The following ROS1 variants were observed in gnomAD, a reference collection of about 807,000 sequenced individuals.
ROS1 encodes the protein ROS proto-oncogene 1, receptor tyrosine kinase.
Under a neutral mutation model 273.5 loss-of-function variants are expected in ROS1, and 263 were observed. The observed-to-expected ratio is 0.96, with a 90% CI of 0.87 to 1.06. The LOEUF (loss-of-function observed/expected upper bound fraction) is 1.06. ROS1 is among the 50% of genes least tolerant of loss of function. The probability of loss-of-function intolerance (pLI) is 0.00; values close to 1 mark genes in which losing one functional copy is unlikely to be tolerated. For missense variants in ROS1, 2,833 were observed against 2,751.1 expected (o/e 1.03, Z -0.67); for synonymous variants, 1,008 against 954.1 (o/e 1.06, Z -1.04).
At position 117,365,330 on chromosome 6, in the gene ROS1, T is replaced by C. The variant is rs145176044; in HGVS notation, c.2959-126A>G. 8.2e-4 allele frequency: 834 copies of C among 1,017,074 alleles called. 7 individuals are homozygous for C. In the African/African-American group the frequency reaches 0.012, roughly 15 times the overall value. The allele number at this position is 1,017,074 out of a possible 1,614,324, so 63.0% of individuals were successfully genotyped here. On this transcript the variant is annotated intron_variant, in intron 20 of 43. Transcript: ENST00000368507. ...TCAAAATTTGCAATTTTGGAAGTGCTAATTTTGGCAAGTTCTGTGTTGTGC... is the reference window on the plus strand; with the variant it reads ...TCAAAATTTGCAATTTTGGAAGTGCCAATTTTGGCAAGTTCTGTGTTGTGC...
In ROS1 at chr6:117,418,510, A is replaced by G; in HGVS notation, c.124-4T>C. The stretch of plus-strand genomic sequence containing the variant: ...TGCCAAGGTCAAGCTGCTGGCCCTG[A>G]AATGAAGAAGGAGGTAGTAAACACC... On this transcript the variant is annotated splice_region_variant and splice_polypyrimidine_tract_variant and intron_variant, in intron 1 of 43. Transcript: ENST00000368507. The G allele has an allele frequency of 6.3e-7, 1 of 1,599,608 alleles. No homozygotes were observed.
chr6:117,396,300 A>G (rs762943239), intron 8 of ROS1, 36 bp from the exon 9 acceptor site: 113 of 1,415,312 alleles, frequency 8.0e-5, no homozygotes, highest in Non-Finnish European at 4.6e-5. Context: ...CGTGTTTCAC[A>G]TGGCATGGTG....
chr6:117,402,743 G>T (rs1774048551), intron 7 of ROS1, among the ~76,000 whole-genome samples: 1 of 151,946 alleles, frequency 6.6e-6, no homozygotes, highest in South Asian at 2.1e-4. Flanking sequence ...CAAAAAATTA[G>T]CCAGGCATGG....
At position 117,425,523 on chromosome 6, in the gene ROS1, G is replaced by C; in HGVS notation, c.123+11C>G. ...TTCCTGCAAAGACAAATATTAGATT[G>C]TGAGACTTACCAGATTAGTTACACA... is the stretch of plus-strand genomic sequence containing the variant. On this transcript the variant is annotated intron_variant, in intron 1 of 43. Coordinates refer to ENST00000368507, the MANE Select transcript of ROS1 (RefSeq NM_001378902.1). The C allele has an allele frequency of 6.3e-7, 1 of 1,579,588 alleles. No individual in the cohort carries two copies. Among genetic ancestry groups the C allele is most frequent in the Non-Finnish European group, 8.6e-7 (1 of 1,168,326 alleles).
intron 5 of ROS1, among the ~76,000 whole-genome samples, chr6:117,406,049 G>A (rs944468183): frequency 6.6e-6 from 1 of 152,112 alleles, no homozygotes; most frequent in East Asian, 1.9e-4. Flanking sequence ...GGAGGCTGAG[G>A]CAGGAGGACT....
chr6:117,365,605 A>G lies in ROS1; in HGVS notation c.2934T>C (p.Ser978=), dbSNP rs374498314. 31 of 1,613,440 alleles carry G rather than the reference A, an allele frequency of 1.9e-5. No homozygotes were observed. Among genetic ancestry groups the G allele is most frequent in the Middle Eastern group, 3.3e-4 (2 of 6,082 alleles). The change falls in exon 20 of 44, where the codon AGT becomes AGC. Residue 978 remains serine, a synonymous_variant. Transcript: ENST00000368507. ...CCTTAGAATGAGCACTAAATTCTAC[A>G]CTGTAGAAAACTACACCCCAGTCTA... The part of the protein sequence containing the change: ...PAVDWGVVFY[S]VEFSAHSKFL...
chr6:117,312,660 A>C (rs1247728095), intron 39 of ROS1, among the ~76,000 whole-genome samples: 1 of 151,920 alleles, frequency 6.6e-6, no homozygotes, highest in African/African-American at 2.4e-5. Flanking sequence ...AGATTTTCAT[A>C]ATGCTGCCTG....
rs1774300001 is a variant in ROS1, at chr6:117,405,226, G to A, written c.317-798C>T. ...TACAAACTCCTGGGACCTTACTCTG[G>A]TTAAGAGAAAATTGACGCAATTCTC... On this transcript the variant is annotated intron_variant, in intron 5 of 43. Transcript: ENST00000368507. Among the ~76,000 whole-genome samples the A allele has an allele frequency of 3.9e-5, 6 of 152,080 alleles. No individual in the cohort carries two copies. In the South Asian group the frequency reaches 1.2e-3, roughly 32 times the overall value.
chr6:117,386,788 C>T (rs1033550446), intron 15 of ROS1, 101 bp downstream of exon 15: 1 of 571,902 alleles, frequency 1.7e-6, no homozygotes, highest in Non-Finnish European at 3.1e-6. Flanking sequence ...TCACTATTGA[C>T]CAAATACAAA....
At chr6:117,393,939 G>A (rs1440090008) in intron 11 of ROS1, among the ~76,000 whole-genome samples, 1 of 152,106 alleles carries the variant, frequency 6.6e-6, no homozygotes, top group Non-Finnish European at 1.5e-5. Context: ...CTCTAAAAAA[G>A]TACAAATAAA....
At chr6:117,350,086 T>A (rs1778699526) in intron 27 of ROS1, among the ~76,000 whole-genome samples, 1 of 152,084 alleles carries the variant, frequency 6.6e-6, no homozygotes, top group Non-Finnish European at 1.5e-5. Context: ...TCTAATGCTC[T>A]TCCTTTCTTT....
At chr6:117,303,129 G>A (rs1398272285) in intron 42 of ROS1, among the ~76,000 whole-genome samples, 2 of 152,088 alleles carry the variant, frequency 1.3e-5, no homozygotes, top group Admixed American at 6.6e-5. Flanking sequence ...TTCCAAGCCT[G>A]GTTTTCAAGC....
chr6:117,300,977 C>G lies in ROS1; in HGVS notation c.6712G>C (p.Glu2238Gln), dbSNP rs1774674564. The change falls in exon 43 of 44, where the codon GAA becomes CAA. Residue 2238 changes from glutamate to glutamine, a missense_variant. Transcript: ENST00000368507. Reference protein sequence around the residue: ...NNSGVINESFEGEDGDVICLN... With the variant: ...NNSGVINESFQGEDGDVICLN... ...AATTCTGAAGAATCAAACTTACCTT[C>G]AAAGCTTTCATTTATGACTCCACTG... The G allele has an allele frequency of 6.4e-7, 1 of 1,560,504 alleles. No individual in the cohort carries two copies. The highest frequency in any genetic ancestry group is 8.6e-7 in the Non-Finnish European group (1 of 1,158,638).
At position 117,317,179 on chromosome 6, in the gene ROS1, G is replaced by A. The variant is rs557108710; in HGVS notation, c.6081C>T (p.Asp2027=). The part of the protein sequence containing the change: ...YIILELMEGG[D]LLTYLRKARM... ...GGGCTTTACGCAAATAAGTAAGAAG[G>A]TCTCCTCCCTCCATCAGTTCCAGGA... The change falls in exon 39 of 44, where the codon GAC becomes GAT. Residue 2027 remains aspartate, a synonymous_variant. Transcript: ENST00000368507. 6.2e-7 allele frequency: 1 copy of A among 1,613,242 alleles called. No individual in the cohort carries two copies. Among genetic ancestry groups the A allele is most frequent in the East Asian group, 2.2e-5 (1 of 44,850 alleles).
intron 21 of ROS1, 116 bp from the exon 22 acceptor site, chr6:117,362,981 A>T: frequency 1.1e-6 from 1 of 892,490 alleles, no homozygotes; most frequent in African/African-American, 1.7e-5. Context: ...CATTCCAGGC[A>T]GTTGCAGTAT....
chr6:117,424,005 A>G (rs1417561950), intron 1 of ROS1, among the ~76,000 whole-genome samples: 1 of 152,114 alleles, frequency 6.6e-6, no homozygotes, highest in Non-Finnish European at 1.5e-5. Flanking sequence ...ACGGAAGGCA[A>G]CTCAACAAAG....
At chr6:117,349,109 T>C (rs1405948487) in intron 27 of ROS1, among the ~76,000 whole-genome samples, 1 of 152,020 alleles carries the variant, frequency 6.6e-6, no homozygotes, top group East Asian at 1.9e-4. Flanking sequence ...GATGGTGTTA[T>C]TGAGTTCATC....
Position 117,337,279 on chromosome 6 carries a change from C to T in ROS1, c.5123G>A (p.Cys1708Tyr), listed in dbSNP as rs1330583699. Residue 1708 changes from cysteine (C) to tyrosine (Y), a missense_variant, in exon 32 of 44, where the codon TGT becomes TAT. Transcript: ENST00000368507. Reference protein sequence around the residue: ...TSCSQGPAYVCNITNLQPYTS... With the variant: ...TSCSQGPAYVYNITNLQPYTS... ...ATAAGGTTGTAGATTTGTGATATTA[C>T]AGACATAAGCAGGACCTTGGCTGCA... 1.9e-6 allele frequency: 3 copies of T among 1,612,382 alleles called. No homozygotes were observed. Among genetic ancestry groups the T allele is most frequent in the East Asian group, 2.2e-5 (1 of 44,796 alleles).
chr6:117,336,586 G>C (rs768523593), intron 32 of ROS1, among the ~76,000 whole-genome samples: 42 of 152,050 alleles, frequency 2.8e-4, no homozygotes, highest in Non-Finnish European at 5.6e-4. Context: ...ACGGGCATTT[G>C]GGTTGATTCC....
Sources: gnomAD v4.1 joint callset for allele counts (sites outside exome capture counted in the v4.1 genomes callset) on GRCh38, gnomAD v4.1.1 for gene constraint, MANE v1.5 for transcripts, NCBI Gene and HGNC (gene_info 2026-07-23, HGNC 2026-07-21) for gene names.